The following GALNT13 variants were observed in gnomAD, a reference collection of about 807,000 sequenced individuals.
GALNT13 encodes polypeptide N-acetylgalactosaminyltransferase 13.
A neutral mutation model predicts 64.2 loss-of-function variants in GALNT13; 28 were observed. The ratio of observed to expected loss-of-function variants is 0.44; its 90% CI spans 0.32 to 0.60. The LOEUF is 0.60. Ranked by LOEUF, GALNT13 falls within the 20% of genes least tolerant of loss-of-function variation. GALNT13 has a pLI of 0.05. For synonymous variants in GALNT13, 214 were observed against 224.6 expected, an observed-to-expected ratio of 0.95 and a Z score of 0.42; for missense variants, 577 against 669.8, an observed-to-expected ratio of 0.86 and a Z score of 1.53.
At chr2:154,058,319 G>A (rs1700002380) in intron 3 of GALNT13, among the ~76,000 whole-genome samples, 1 of 152,176 alleles carries the variant, frequency 6.6e-6, no homozygotes, top group Admixed American at 6.5e-5. Context: ...TGTTGTAAAA[G>A]CCACCAAGTC....
At chr2:153,368,889 T>C in the GALNT13 span, among the ~76,000 whole-genome samples, 1 of 151,878 alleles carries the variant, frequency 6.6e-6, no homozygotes, top group South Asian at 2.1e-4. Context: ...AAATTGTATA[T>C]TGAATATACA....
chr2:153,551,021 T>G, the GALNT13 span, among the ~76,000 whole-genome samples: 19 of 152,162 alleles, frequency 1.2e-4, no homozygotes, highest in African/African-American at 3.6e-4. Flanking sequence ...TATTACTATT[T>G]AAATAGAGAA....
the GALNT13 span, among the ~76,000 whole-genome samples, chr2:153,345,945 G>A: frequency 6.6e-6 from 1 of 151,764 alleles, no homozygotes; most frequent in East Asian, 1.9e-4. Context: ...ACAGGCATGC[G>A]CCATGAAGCC....
chr2:153,464,343 C>T, the GALNT13 span, among the ~76,000 whole-genome samples: 1 of 152,036 alleles, frequency 6.6e-6, no homozygotes, highest in Admixed American at 6.6e-5. Flanking sequence ...CTACAAGATT[C>T]CTTCTAGGAA....
the GALNT13 span, among the ~76,000 whole-genome samples, chr2:153,211,812 A>G: frequency 6.6e-6 from 1 of 152,298 alleles, no homozygotes; most frequent in African/African-American, 2.4e-5. Flanking sequence ...GTGATTGGAA[A>G]CACTAAGAGT....
At chr2:154,030,403 T>A (rs1401517) in intron 3 of GALNT13, among the ~76,000 whole-genome samples, 2 of 151,952 alleles carry the variant, frequency 1.3e-5, no homozygotes, top group Non-Finnish European at 2.9e-5. Context: ...AACTCTCAAC[T>A]CCGAATTTTA....
chr2:153,860,875 TAGG>T, the GALNT13 span, among the ~76,000 whole-genome samples: 2 of 152,188 alleles, frequency 1.3e-5, no homozygotes, highest in Non-Finnish European at 2.9e-5. Context: ...ATGCAAATGA[TAGG>T]AGTAGTAATT....
intron 3 of GALNT13, among the ~76,000 whole-genome samples, chr2:153,993,570 G>A (rs1023592170): frequency 1.3e-5 from 2 of 151,356 alleles, no homozygotes; most frequent in South Asian, 2.1e-4. Context: ...AGTGGCGGGC[G>A]CCTGTAGTCT....
chr2:153,493,023 C>A, the GALNT13 span, among the ~76,000 whole-genome samples: 5 of 151,710 alleles, frequency 3.3e-5, no homozygotes, highest in Admixed American at 2.6e-4. Flanking sequence ...ATGTGTGGGG[C>A]ATAGCAAAAG....
At chr2:154,254,270 C>T (rs1690248591) in intron 7 of GALNT13, among the ~76,000 whole-genome samples, 1 of 152,124 alleles carries the variant, frequency 6.6e-6, no homozygotes. Flanking sequence ...GAGAGGAGCT[C>T]GTTGGGTAGC....
chr2:153,269,031 A>G, the GALNT13 span, among the ~76,000 whole-genome samples: 1 of 152,198 alleles, frequency 6.6e-6, no homozygotes, highest in Non-Finnish European at 1.5e-5. Context: ...TGAAGACATT[A>G]TCTCCATTGT....
At chr2:153,368,283 GTCT>G in the GALNT13 span, among the ~76,000 whole-genome samples, 31 of 152,238 alleles carry the variant, frequency 2.0e-4, no homozygotes, top group South Asian at 6.2e-3. Flanking sequence ...GATGGGATTA[GTCT>G]TCTTGTAAGA....
chr2:153,576,966 T>C, the GALNT13 span, among the ~76,000 whole-genome samples: 3 of 152,314 alleles, frequency 2.0e-5, no homozygotes, highest in East Asian at 5.8e-4. Flanking sequence ...ATGTTCCCTG[T>C]TTCTCTCTAT....
chr2:153,921,532 G>T (rs1689755982), intron 2 of GALNT13, among the ~76,000 whole-genome samples: 1 of 152,078 alleles, frequency 6.6e-6, no homozygotes, highest in Non-Finnish European at 1.5e-5. Flanking sequence ...ATTCTTGGGT[G>T]ATGAAATAAT....
chr2:154,241,215 G>T (rs1232879253), intron 4 of GALNT13, among the ~76,000 whole-genome samples: 1 of 152,162 alleles, frequency 6.6e-6, no homozygotes, highest in Non-Finnish European at 1.5e-5. Context: ...GCACAGGATG[G>T]CAGGCCAGGG....
chr2:154,358,479 C>A (rs1014064074), intron 9 of GALNT13, among the ~76,000 whole-genome samples: 1 of 151,992 alleles, frequency 6.6e-6, no homozygotes, highest in Non-Finnish European at 1.5e-5. Context: ...TAAAATTTTA[C>A]AATTCCGTAT....
At chr2:153,125,766 C>A in the GALNT13 span, among the ~76,000 whole-genome samples, 1 of 152,286 alleles carries the variant, frequency 6.6e-6, no homozygotes, top group South Asian at 2.1e-4. Flanking sequence ...TGTGTGATTG[C>A]TGTCTAATTA....
chr2:153,763,046 A>G, the GALNT13 span, among the ~76,000 whole-genome samples: 1 of 151,654 alleles, frequency 6.6e-6, no homozygotes, highest in Non-Finnish European at 1.5e-5. Context: ...CCCACATTTT[A>G]TGTTTTTGAT....
chr2:153,555,101 G>A, the GALNT13 span, among the ~76,000 whole-genome samples: 1 of 151,832 alleles, frequency 6.6e-6, no homozygotes, highest in Non-Finnish European at 1.5e-5. Flanking sequence ...TAACTTGTAT[G>A]AGTGGAGTAG....
Sources: gnomAD v4.1 joint callset for allele counts (sites outside exome capture counted in the v4.1 genomes callset) on GRCh38, gnomAD v4.1.1 for gene constraint, MANE v1.5 for transcripts, NCBI Gene and HGNC (gene_info 2026-07-23, HGNC 2026-07-21) for gene names.